SPTBN1: variants seen among roughly 807,000 people sequenced by gnomAD.
SPTBN1 encodes the protein spectrin beta chain, non-erythrocytic 1.
A neutral mutation model predicts 266.4 loss-of-function variants in SPTBN1; 32 were observed. The observed-to-expected ratio is 0.12, with a 90% CI of 0.09 to 0.16. The LOEUF (loss-of-function observed/expected upper bound fraction) is 0.16. SPTBN1 is among the 10% of genes least tolerant of loss of function. The pLI, the probability that SPTBN1 is intolerant of heterozygous loss-of-function variation, is 1.00. For synonymous variants in SPTBN1, 1,336 were observed against 1,162.2 expected (o/e 1.15, Z -3.04); for missense variants, 2,296 against 3,067.1 (o/e 0.75, Z 5.94).
Position 54,554,170 on chromosome 2 carries a change from T to C in SPTBN1, c.148+27604T>C, listed in dbSNP as rs529578788. On this transcript the variant is annotated intron_variant, in intron 2 of 35. Coordinates refer to ENST00000356805, the MANE Select transcript of SPTBN1 (RefSeq NM_003128.3). The surrounding 1 kb of genome is among the most constrained non-coding windows in gnomAD (Gnocchi z 4.5). ...TGATACCACTTACTGAGTTCTGTGA[T>C]TTTTCAGAAAAGCTTAGAAACCCAT... is the stretch of plus-strand genomic sequence containing the variant. 6.6e-6 allele frequency among the ~76,000 whole-genome samples: 1 copy of C among 152,272 alleles called. No homozygotes were observed. Among genetic ancestry groups the C allele is most frequent in the East Asian group, 1.9e-4 (1 of 5,186 alleles).
chr2:54,511,508 G>T (rs1313979063), intron 1 of SPTBN1, among the ~76,000 whole-genome samples: 2 of 152,068 alleles, frequency 1.3e-5, no homozygotes, highest in Admixed American at 6.5e-5. Flanking sequence ...GGATGGTTTC[G>T]GGATGATTGA....
intron 2 of SPTBN1, among the ~76,000 whole-genome samples, chr2:54,563,061 A>G (rs113375784): frequency 0.025 from 3,813 of 152,236 alleles, 147 homozygotes; most frequent in African/African-American, 0.08. Flanking sequence ...CAAATAACTC[A>G]TCCAAGTTCA....
chr2:54,604,784 G>GA (rs1192996779), intron 3 of SPTBN1, among the ~76,000 whole-genome samples: 2 of 152,046 alleles, frequency 1.3e-5, no homozygotes, highest in Non-Finnish European at 1.5e-5. Context: ...AAGTGCCTGT[G>GA]AAAAAAACAC....
chr2:54,525,852 C>T (rs1238590405), intron 1 of SPTBN1, among the ~76,000 whole-genome samples: 1 of 152,214 alleles, frequency 6.6e-6, no homozygotes, highest in Non-Finnish European at 1.5e-5. Context: ...CTGCCTCAGC[C>T]ACCCAAGTAG....
intron 24 of SPTBN1, among the ~76,000 whole-genome samples, chr2:54,648,660 G>C (rs1680070293): frequency 6.6e-6 from 1 of 152,180 alleles, no homozygotes; most frequent in African/African-American, 2.4e-5. Context: ...GAGGTGCAGA[G>C]AGAATTTTCC....
At chr2:54,561,870 A>T (rs1214611525) in intron 2 of SPTBN1, among the ~76,000 whole-genome samples, 1 of 85,056 alleles carries the variant, frequency 1.2e-5, no homozygotes, top group African/African-American at 4.4e-5. Context: ...GTCAGTAAAT[A>T]AGTGTGATTA....
rs79565318 is a variant in SPTBN1 at position 54,465,346 on chromosome 2, C to T, written c.-48+8828C>T. On this transcript the variant is annotated intron_variant, in intron 1 of 35. Coordinates refer to ENST00000356805, the MANE Select transcript of SPTBN1 (RefSeq NM_003128.3). ...ATTCCATGACGTGCATGTTCTCACTCGTGGAAACCTAAACACTGCTACTGG... is the reference window on the plus strand; with the variant it reads ...ATTCCATGACGTGCATGTTCTCACTTGTGGAAACCTAAACACTGCTACTGG... Among the ~76,000 whole-genome samples, 914 of 152,166 alleles carry T rather than the reference C, an allele frequency of 6.0e-3. 9 individuals are homozygous for T. Among genetic ancestry groups the T allele is most frequent in the African/African-American group, 0.021 (862 of 41,522 alleles).
intron 4 of SPTBN1, among the ~76,000 whole-genome samples, chr2:54,613,214 A>G (rs1157429811): frequency 6.6e-6 from 1 of 152,242 alleles, no homozygotes; most frequent in Non-Finnish European, 1.5e-5. Flanking sequence ...CCATAGTGTC[A>G]GGTTTCTCTG....
intron 1 of SPTBN1, among the ~76,000 whole-genome samples, chr2:54,510,222 A>G (rs1040264440): frequency 1.3e-5 from 2 of 152,122 alleles, no homozygotes; most frequent in Admixed American, 6.5e-5. Flanking sequence ...CTGGGATTAT[A>G]GGCGTGAGCC....
At chr2:54,594,949 C>G (rs1005181699) in intron 2 of SPTBN1, among the ~76,000 whole-genome samples, 32 of 149,442 alleles carry the variant, frequency 2.1e-4, no homozygotes, top group African/African-American at 7.7e-4. Context: ...ATTCTCCTGC[C>G]TCAGCCTCAC....
chr2:54,572,920 C>T (rs1383793869), intron 2 of SPTBN1, among the ~76,000 whole-genome samples: 1 of 152,100 alleles, frequency 6.6e-6, no homozygotes, highest in Non-Finnish European at 1.5e-5. Context: ...GACCCACGGC[C>T]CAGGAGCAGT....
At position 54,668,670 on chromosome 2, in the gene SPTBN1, A is replaced by C; in HGVS notation, c.*101A>C. The C allele has an allele frequency of 1.0e-6, 1 of 996,356 alleles. No homozygotes were observed. 61.7% of individuals were successfully genotyped at this position (996,356 alleles called of 1,614,324 possible). On this transcript the variant is annotated 3_prime_UTR_variant, in exon 36 of 36. Coordinates refer to ENST00000356805, the MANE Select transcript of SPTBN1 (RefSeq NM_003128.3). Reference sequence around the variant, plus strand: ...TTACTCTCTGTGCCTAATGTTCCTCAATGTGGTTGATTTTTTTTTTTTTTT... The same window carrying C: ...TTACTCTCTGTGCCTAATGTTCCTCCATGTGGTTGATTTTTTTTTTTTTTT...
intron 2 of SPTBN1, among the ~76,000 whole-genome samples, chr2:54,573,009 C>G (rs181158468): frequency 6.6e-6 from 1 of 152,160 alleles, no homozygotes; most frequent in African/African-American, 2.4e-5. Flanking sequence ...GAAGGCGGGC[C>G]CAGACCCCAC....
chr2:54,659,206 G>C lies in SPTBN1; in HGVS notation c.6296G>C (p.Arg2099Pro). ...CAAGAGGAAGAGGAGAGGAAGAGGC[G>C]GCCGCCTTCTCCCGAGCCGAGCACG... is the stretch of plus-strand genomic sequence containing the variant. Reference protein sequence around the residue: ...RQQEEEERKRRPPSPEPSTKV... With the variant: ...RQQEEEERKRPPPSPEPSTKV... The change falls in exon 31 of 36, where the codon CGG (arginine) becomes CCG (proline). Residue 2099 changes from arginine (R) to proline (P), a missense_variant. Around this residue, in one of 12 missense-constraint regions of SPTBN1, gnomAD observed 347 missense variants for 368.5 expected, o/e 0.94. Coordinates refer to ENST00000356805, the MANE Select transcript of SPTBN1 (RefSeq NM_003128.3). 6.2e-7 allele frequency: 1 copy of C among 1,614,048 alleles called. No homozygotes were observed. Among genetic ancestry groups the C allele is most frequent in the Non-Finnish European group, 8.5e-7 (1 of 1,180,004 alleles).
At chr2:54,534,665 C>G (rs1458746683) in intron 2 of SPTBN1, among the ~76,000 whole-genome samples, 2 of 152,186 alleles carry the variant, frequency 1.3e-5, no homozygotes, top group African/African-American at 4.8e-5. Flanking sequence ...CCACTATAGA[C>G]CCAGTTTCTC....
chr2:54,524,602 G>A (rs950627218), intron 1 of SPTBN1, among the ~76,000 whole-genome samples: 5 of 152,024 alleles, frequency 3.3e-5, no homozygotes, highest in African/African-American at 1.2e-4. Context: ...CATTATTGCC[G>A]CCTAGAATCT....
intron 3 of SPTBN1, among the ~76,000 whole-genome samples, chr2:54,605,567 T>C (rs1358263996): frequency 6.6e-6 from 1 of 152,218 alleles, no homozygotes; most frequent in Non-Finnish European, 1.5e-5. Context: ...CTTGGGAACT[T>C]TGAAGTTTGT....
chr2:54,614,790 C>T (rs1266788060), intron 4 of SPTBN1, among the ~76,000 whole-genome samples: 1 of 149,970 alleles, frequency 6.7e-6, no homozygotes, highest in African/African-American at 2.5e-5. Flanking sequence ...GCGACAGAGA[C>T]TGTCTCAAAA....
intron 2 of SPTBN1, among the ~76,000 whole-genome samples, chr2:54,581,482 C>T (rs1435067839): frequency 6.6e-6 from 1 of 151,910 alleles, no homozygotes; most frequent in Non-Finnish European, 1.5e-5. Flanking sequence ...ATTGAACTTC[C>T]ACTGCCTCTG....
Sources: allele counts gnomAD v4.1 joint callset (sites outside exome capture counted in the v4.1 genomes callset), GRCh38; gene constraint gnomAD v4.1.1; regional missense constraint gnomAD v4.1.1; non-coding constraint Gnocchi (gnomAD v3.1); transcripts MANE v1.5; gene names NCBI Gene and HGNC (gene_info 2026-07-23, HGNC 2026-07-21).